Variants in KCNH2 observed in about 807,000 individuals in gnomAD.
KCNH2 encodes voltage-gated inwardly rectifying potassium channel KCNH2.
In KCNH2, 35 loss-of-function variants were observed where a neutral mutation model predicts 95.9. That is an observed-to-expected ratio of 0.37 (90% CI 0.28 to 0.48). The LOEUF (loss-of-function observed/expected upper bound fraction) is 0.48, where lower values mean the gene tolerates loss of function less well. KCNH2 is among the 20% of genes least tolerant of loss of function. The probability of loss-of-function intolerance (pLI) is 0.99; values close to 1 mark genes in which losing one functional copy is unlikely to be tolerated. For synonymous variants in KCNH2, 786 were observed against 754.7 expected (o/e 1.04, Z -0.68); for missense variants, 1,274 against 1,702.9 (o/e 0.75, Z 4.43).
At chr7:150,955,510 C>CT in intron 5 of KCNH2, 1 of 1,541,670 alleles carries the variant, frequency 6.5e-7, no homozygotes, top group East Asian at 2.5e-5. Context: ...CCATGGAGGA[C>CT]TTGGCTCCCT....
intron 2 of KCNH2, among the ~76,000 whole-genome samples, chr7:150,967,214 G>A (rs1801729523): frequency 6.6e-6 from 1 of 152,168 alleles, no homozygotes. Context: ...AAGAGGCAGA[G>A]GCTGCAGTGA....
At position 150,952,298 on chromosome 7, in the gene KCNH2, G is replaced by GTCTGTCTC; in HGVS notation, c.1557+126_1557+127insGAGACAGA. 2 of 1,013,384 alleles carry GTCTGTCTC rather than the reference G, an allele frequency of 2.0e-6. No individual in the cohort carries two copies. The highest frequency in any genetic ancestry group is 2.9e-6 in the Non-Finnish European group (2 of 681,184). 62.8% of individuals were successfully genotyped at this position (1,013,384 alleles called of 1,614,324 possible). ...CTTGCCACCATGTCTCTCTCCCACT[G>GTCTGTCTC]TCTTTCTCTCTTTCTCTCTCTCTCT... On this transcript the variant is annotated intron_variant, in intron 6 of 14. Transcript: ENST00000262186. The surrounding 1 kb of genome is among the most constrained non-coding windows in gnomAD (Gnocchi z 7.3).
Position 150,977,890 on chromosome 7 carries a change from G to C in KCNH2, c.24C>G (p.Val8=). 6.2e-7 allele frequency: 1 copy of C among 1,603,844 alleles called. No homozygotes were observed. Among genetic ancestry groups the C allele is most frequent in the Non-Finnish European group, 8.5e-7 (1 of 1,176,656 alleles). ...TGTCCAGGAAGGTGTTCTGCGGCGC[G>C]ACGTGGCCCCTCCGCACCGGCATCC... MPVRRGH[V]APQNTFLDTI... Residue 8 remains valine (V), a synonymous_variant, in exon 1 of 15, where the codon GTC becomes GTG. Coordinates refer to ENST00000262186, the MANE Select transcript of KCNH2 (RefSeq NM_000238.4).
intron 2 of KCNH2, among the ~76,000 whole-genome samples, chr7:150,968,916 A>G (rs1410199045): frequency 6.6e-6 from 1 of 152,236 alleles, no homozygotes; most frequent in Non-Finnish European, 1.5e-5. Context: ...GGCGAGGAGA[A>G]TGAGCTCTGG....
In KCNH2 at chr7:150,947,853, C is replaced by T. The variant is rs1800974753; in HGVS notation, c.2718G>A (p.Ser906=). 3.3e-6 allele frequency: 5 copies of T among 1,528,188 alleles called. No individual in the cohort carries two copies. The highest frequency in any genetic ancestry group is 1.2e-5 in the South Asian group (1 of 82,970). The allele number at this position is 1,528,188 out of a possible 1,614,324, so 94.7% of individuals were successfully genotyped here. A position where few individuals can be genotyped will look rare whatever the true frequency, so the allele number is the denominator to read the frequency against. Residue 906 remains serine (S), a synonymous_variant, in exon 12 of 15, where the codon TCG becomes TCA. Transcript: ENST00000262186. ...DKDTEQPGEV[S]ALGPGRAGAG... ...CCCCCGCCCGGCCCGGCCCCAAGGC[C>T]GACACCTCCCCTGGCTGCTCCGTGT...
intron 2 of KCNH2, among the ~76,000 whole-genome samples, chr7:150,960,697 C>T (rs534684029): frequency 2.0e-5 from 3 of 152,196 alleles, no homozygotes; most frequent in Admixed American, 6.5e-5. Context: ...GCTTCTAGAT[C>T]TTTCATCTTC....
chr7:150,949,390 T>C lies in KCNH2; in HGVS notation c.2399-341A>G, dbSNP rs1463272165. On this transcript the variant is annotated intron_variant, in intron 9 of 14. Transcript: ENST00000262186. The stretch of plus-strand genomic sequence containing the variant: ...CTTCAAACCAAAGATCAGAACACAG[T>C]AGTGAATCAAAACCAGCATTTTTTT... The C allele has an allele frequency of 5.4e-6, 6 of 1,115,558 alleles. No individual in the cohort carries two copies. The East Asian group carries it at 2.2e-4, about 40-fold the overall frequency. The allele number at this position is 1,115,558 out of a possible 1,614,324, so 69.1% of individuals were successfully genotyped here. A position where few individuals can be genotyped will look rare whatever the true frequency, so the allele number is the denominator to read the frequency against.
At chr7:150,957,836 G>A (rs1262104116) in intron 4 of KCNH2, among the ~76,000 whole-genome samples, 4 of 152,236 alleles carry the variant, frequency 2.6e-5, no homozygotes, top group African/African-American at 9.6e-5. Flanking sequence ...CCAGCTCCAG[G>A]GGCCCACCAG....
intron 1 of KCNH2, 84 bp downstream of exon 1, chr7:150,977,754 C>T (rs1031722773): frequency 2.0e-4 from 246 of 1,213,684 alleles, no homozygotes; most frequent in Non-Finnish European, 2.7e-4. Flanking sequence ...CGCACACGGC[C>T]CGGGCACGCC....
intron 2 of KCNH2, among the ~76,000 whole-genome samples, chr7:150,969,739 C>T (rs756420016): frequency 6.6e-6 from 1 of 152,204 alleles, no homozygotes; most frequent in Non-Finnish European, 1.5e-5. Context: ...AGCTCAAGGC[C>T]TGGTGGCGGG....
In KCNH2 at chr7:150,951,855, C is replaced by T. The variant is rs769553994; in HGVS notation, c.1558-20G>A. ...GATCAGCTGGGGGACAGGGAAGGGG[C>T]ACATTCCGTTGATGGGGCAAGGGGG... On this transcript the variant is annotated intron_variant, in intron 6 of 14. Coordinates refer to ENST00000262186, the MANE Select transcript of KCNH2 (RefSeq NM_000238.4). 7.1e-6 allele frequency: 11 copies of T among 1,552,472 alleles called. No individual in the cohort carries two copies. The East Asian group carries it at 2.5e-4, about 35-fold the overall frequency.
chr7:150,959,873 C>T (rs962260890), intron 2 of KCNH2, 137 bp from the exon 3 acceptor site: 2 of 952,668 alleles, frequency 2.1e-6, no homozygotes, highest in African/African-American at 1.6e-5. Context: ...CCGGGATCTC[C>T]CGTCCTGATC....
intron 2 of KCNH2, 67 bp from the exon 3 acceptor site, chr7:150,959,803 ATGGACCC>A (rs1801505470): frequency 1.9e-6 from 3 of 1,592,540 alleles, no homozygotes; most frequent in Admixed American, 1.7e-5. Flanking sequence ...GCCACGCAGG[ATGGACCC>A]TGGAACCCAA....
At position 150,974,924 on chromosome 7, in the gene KCNH2, C is replaced by G; in HGVS notation, c.94G>C (p.Ala32Pro). ...FEGQSRKFIIANARVENCAVI... is the reference protein window; with the variant it reads ...FEGQSRKFIIPNARVENCAVI... ...GCGCAGTTCTCCACCCGAGCGTTGGCGATGATGAACTTACGGCCTAGGGGG... is the reference window on the plus strand; with the variant it reads ...GCGCAGTTCTCCACCCGAGCGTTGGGGATGATGAACTTACGGCCTAGGGGG... Residue 32 changes from alanine to proline, a missense_variant, in exon 2 of 15, where the codon GCC becomes CCC. Physicochemically the swap from Ala to Pro is conservative, Grantham distance 27. This residue lies in a region of KCNH2 where 85 missense variants were observed against 174.7 expected (regional missense o/e 0.49). Coordinates refer to ENST00000262186, the MANE Select transcript of KCNH2 (RefSeq NM_000238.4). The G allele has an allele frequency of 6.2e-7, 1 of 1,606,706 alleles. No homozygotes were observed. The highest frequency in any genetic ancestry group is 8.5e-7 in the Non-Finnish European group (1 of 1,177,648).
chr7:150,949,515 G>T (rs1801052172), intron 9 of KCNH2: 1 of 796,626 alleles, frequency 1.3e-6, no homozygotes, highest in Non-Finnish European at 1.6e-6. Context: ...AAGGCCCAGT[G>T]TTATGTAGTG....
chr7:150,953,445 C>G (rs954278274), intron 5 of KCNH2, among the ~76,000 whole-genome samples: 1 of 152,198 alleles, frequency 6.6e-6, no homozygotes. Context: ...AGGTCCGGGA[C>G]AGCCCACAGT....
chr7:150,956,879 C>T (rs1177551814), intron 5 of KCNH2, among the ~76,000 whole-genome samples: 1 of 152,150 alleles, frequency 6.6e-6, no homozygotes, highest in Non-Finnish European at 1.5e-5. Flanking sequence ...CATTTGAAGC[C>T]TCCCAGTTGG....
Position 150,966,501 on chromosome 7 carries a change from G to A in KCNH2, c.308-6765C>T, listed in dbSNP as rs180957001. Among the ~76,000 whole-genome samples the A allele has an allele frequency of 5.3e-5, 8 of 150,128 alleles. No homozygotes were observed. In the East Asian group the frequency reaches 9.9e-4, roughly 19 times the overall value. On this transcript the variant is annotated intron_variant, in intron 2 of 14. Transcript: ENST00000262186. ...ACATTCGAGCATCAAAACATGTGAC[G>A]GTGATCCAAACATAAACAGCGAAAA... is the stretch of plus-strand genomic sequence containing the variant.
Position 150,952,307 on chromosome 7 carries a change from TC to T in KCNH2, c.1557+117del. On this transcript the variant is annotated intron_variant, in intron 6 of 14. Transcript: ENST00000262186. This position sits in a 1 kb window ranked among gnomAD's most constrained non-coding sequence, Gnocchi z 7.3. ...ATGTCTCTCTCCCACTGTCTTTCTC[TC>T]TTTCTCTCTCTCTCTCTTTTTCTCT... 8.8e-7 allele frequency: 1 copy of T among 1,142,436 alleles called. No individual in the cohort carries two copies. Among genetic ancestry groups the T allele is most frequent in the Non-Finnish European group, 1.3e-6 (1 of 787,324 alleles). 70.8% of individuals were successfully genotyped at this position (1,142,436 alleles called of 1,614,324 possible).
Sources: gnomAD v4.1 joint callset for allele counts (sites outside exome capture counted in the v4.1 genomes callset) on GRCh38, gnomAD v4.1.1 for gene constraint, gnomAD v4.1.1 regional missense constraint, Gnocchi (gnomAD v3.1) non-coding constraint, MANE v1.5 for transcripts, NCBI Gene and HGNC (gene_info 2026-07-23, HGNC 2026-07-21) for gene names.